NBEA: variants seen among roughly 807,000 people sequenced by gnomAD.
NBEA encodes the protein lysosomal-trafficking regulator 2.
In NBEA, 44 loss-of-function variants were observed where a neutral mutation model predicts 343.4. That is an observed-to-expected ratio of 0.13 (90% CI 0.10 to 0.16). The LOEUF (loss-of-function observed/expected upper bound fraction) is 0.16. Among genes scored for constraint, NBEA ranks in the 10% least tolerant of loss-of-function variants. NBEA has a pLI of 1.00. For missense variants in NBEA, 2,555 were observed against 3,631.3 expected (o/e 0.70, Z 7.62); for synonymous variants, 1,175 against 1,238.7 (o/e 0.95, Z 1.08).
intron 41 of NBEA, among the ~76,000 whole-genome samples, chr13:35,543,638 C>A (rs1263155356): frequency 6.6e-6 from 1 of 152,158 alleles, no homozygotes; most frequent in Admixed American, 6.5e-5. Context: ...ATACTCCAGT[C>A]AATACACCAT....
intron 45 of NBEA, 122 bp from the exon 46 acceptor site, chr13:35,583,776 A>G (rs748285199): frequency 4.4e-6 from 3 of 689,156 alleles, no homozygotes; most frequent in Non-Finnish European, 7.0e-6. Flanking sequence ...GTAATACAAA[A>G]TAATGTATTT....
At chr13:35,087,365 A>G (rs2064827840) in intron 10 of NBEA, among the ~76,000 whole-genome samples, 1 of 151,894 alleles carries the variant, frequency 6.6e-6, no homozygotes, top group South Asian at 2.1e-4. Context: ...AATCTTATAT[A>G]AGGAAATTTT....
chr13:35,386,302 G>A (rs903950475), intron 38 of NBEA, among the ~76,000 whole-genome samples: 8 of 152,022 alleles, frequency 5.3e-5, no homozygotes, highest in Non-Finnish European at 1.2e-4. Context: ...GATGACTTGA[G>A]CAAAATTCCT....
chr13:35,384,821 C>T (rs943983107), intron 38 of NBEA, among the ~76,000 whole-genome samples: 3 of 152,030 alleles, frequency 2.0e-5, no homozygotes, highest in East Asian at 1.9e-4. Context: ...CCACCGCGCC[C>T]GGCCTGTTTT....
At chr13:35,273,981 T>A (rs1306738945) in intron 34 of NBEA, among the ~76,000 whole-genome samples, 2 of 152,068 alleles carry the variant, frequency 1.3e-5, no homozygotes, top group African/African-American at 4.8e-5. Flanking sequence ...TTCCAATCAA[T>A]AGAAAAAGAG....
chr13:35,504,906 C>G (rs898205754), intron 41 of NBEA, among the ~76,000 whole-genome samples: 1 of 152,106 alleles, frequency 6.6e-6, no homozygotes, highest in Non-Finnish European at 1.5e-5. Context: ...GCCACTGTAC[C>G]CAGCCAATAT....
At chr13:35,597,532 A>G (rs1186281804) in intron 47 of NBEA, among the ~76,000 whole-genome samples, 1 of 152,170 alleles carries the variant, frequency 6.6e-6, no homozygotes, top group Non-Finnish European at 1.5e-5. Flanking sequence ...CATCTTTTAA[A>G]ATAATACTGA....
At chr13:35,013,004 A>T (rs1486855611) in intron 1 of NBEA, among the ~76,000 whole-genome samples, 1 of 152,168 alleles carries the variant, frequency 6.6e-6, no homozygotes, top group Non-Finnish European at 1.5e-5. Flanking sequence ...AGTTAGTAAG[A>T]ATTCTTTTAT....
chr13:34,999,476 C>T (rs2061050673), intron 1 of NBEA, among the ~76,000 whole-genome samples: 1 of 152,088 alleles, frequency 6.6e-6, no homozygotes, highest in African/African-American at 2.4e-5. Flanking sequence ...TGACATTCTC[C>T]AGGTATTTTG....
At chr13:35,476,287 G>T (rs1385011603) in intron 41 of NBEA, 2 of 1,365,560 alleles carry the variant, frequency 1.5e-6, no homozygotes, top group East Asian at 4.9e-5. Context: ...GTGCTGCAGC[G>T]TTGGTTTCCC....
intron 27 of NBEA, among the ~76,000 whole-genome samples, chr13:35,174,919 A>G (rs1490250817): frequency 6.6e-6 from 1 of 151,846 alleles, no homozygotes; most frequent in Non-Finnish European, 1.5e-5. Context: ...CAGCCTCCCA[A>G]GTAGCTGGGA....
chr13:35,435,194 G>A (rs1025308888), intron 39 of NBEA, among the ~76,000 whole-genome samples: 14 of 152,078 alleles, frequency 9.2e-5, no homozygotes, highest in Non-Finnish European at 1.9e-4. Context: ...TGAATTTTTA[G>A]TAGAGACAGG....
chr13:35,205,740 G>C (rs74048944), intron 31 of NBEA, among the ~76,000 whole-genome samples: 1 of 152,050 alleles, frequency 6.6e-6, no homozygotes, highest in African/African-American at 2.4e-5. Context: ...AGCAATACTC[G>C]TAATAGCTAA....
chr13:35,505,833 A>T lies in NBEA; in HGVS notation c.6585+33297A>T, dbSNP rs148603287. Among the ~76,000 whole-genome samples the T allele has an allele frequency of 4.4e-3, 664 of 152,290 alleles. 4 individuals are homozygous for T. Among genetic ancestry groups the T allele is most frequent in the African/African-American group, 0.015 (632 of 41,576 alleles). On this transcript the variant is annotated intron_variant, in intron 41 of 58. Transcript: ENST00000379939. Reference sequence around the variant, plus strand: ...AATTAATTGATTTTAAATTAATTAGATTTAAAGACAGAAAGCATTCTACTT... The same window carrying T: ...AATTAATTGATTTTAAATTAATTAGTTTTAAAGACAGAAAGCATTCTACTT...
At chr13:35,625,409 G>A (rs1340262466) in intron 48 of NBEA, among the ~76,000 whole-genome samples, 2 of 152,054 alleles carry the variant, frequency 1.3e-5, no homozygotes, top group Non-Finnish European at 2.9e-5. Context: ...GTGAGCTCAG[G>A]AGTTTGAGAC....
chr13:35,003,852 A>G (rs2061227947), intron 1 of NBEA, among the ~76,000 whole-genome samples: 1 of 152,122 alleles, frequency 6.6e-6, no homozygotes, highest in Non-Finnish European at 1.5e-5. Context: ...AATGTGTGCC[A>G]TGGTGGTTTG....
chr13:35,344,630 A>C (rs2039770560), intron 36 of NBEA, among the ~76,000 whole-genome samples: 1 of 152,132 alleles, frequency 6.6e-6, no homozygotes, highest in Non-Finnish European at 1.5e-5. Flanking sequence ...CTATCAAAGC[A>C]TTATACCATT....
At chr13:35,351,554 C>T (rs954623463) in intron 37 of NBEA, among the ~76,000 whole-genome samples, 1 of 151,720 alleles carries the variant, frequency 6.6e-6, no homozygotes, top group Admixed American at 6.6e-5. Flanking sequence ...CTCATGAAAC[C>T]CTTTGAACAC....
chr13:35,052,324 TA>T (rs1436584820), intron 6 of NBEA, among the ~76,000 whole-genome samples: 1 of 152,046 alleles, frequency 6.6e-6, no homozygotes, highest in Admixed American at 6.6e-5. Flanking sequence ...CTGTACCACT[TA>T]ACCAGCTGTT....
Sources: allele counts gnomAD v4.1 joint callset (sites outside exome capture counted in the v4.1 genomes callset), GRCh38; gene constraint gnomAD v4.1.1; transcripts MANE v1.5; gene names NCBI Gene and HGNC (gene_info 2026-07-23, HGNC 2026-07-21).